The following TTC39C variants were observed in gnomAD, a reference collection of about 807,000 sequenced individuals.
TTC39C encodes the protein tetratricopeptide repeat protein 39C.
Under a neutral mutation model 76.3 loss-of-function variants are expected in TTC39C, and 33 were observed. The ratio of observed to expected loss-of-function variants is 0.43; its 90% CI spans 0.33 to 0.58. The LOEUF (loss-of-function observed/expected upper bound fraction) is 0.58. Among genes scored for constraint, TTC39C ranks in the 20% least tolerant of loss-of-function variants. The pLI, the probability that TTC39C is intolerant of heterozygous loss-of-function variation, is 0.04. For missense variants in TTC39C, 595 were observed against 701.4 expected, an observed-to-expected ratio of 0.85 and a Z score of 1.71; for synonymous variants, 254 against 260.6, an observed-to-expected ratio of 0.97 and a Z score of 0.24.
intron 1 of TTC39C, among the ~76,000 whole-genome samples, chr18:24,043,880 G>C (rs868046503): frequency 1.6e-4 from 24 of 152,338 alleles, no homozygotes; most frequent in Middle Eastern, 3.4e-3. Flanking sequence ...TTTTGCATCT[G>C]CAAAGGGTTT....
chr18:24,020,096 G>T (rs2083501294), intron 1 of TTC39C: 7 of 1,286,094 alleles, frequency 5.4e-6, no homozygotes, highest in Non-Finnish European at 6.9e-6. Flanking sequence ...GTCCACAGAT[G>T]CAGAGATGTA....
rs1473494606 is a variant in TTC39C, at chr18:24,134,685, T to G, written c.*2111T>G. Reference sequence around the variant, plus strand: ...ATGCAGCATAGGTGACAAGCTTTTCTGTCATCATCATGGAGCATTCTGAAT... The same window carrying G: ...ATGCAGCATAGGTGACAAGCTTTTCGGTCATCATCATGGAGCATTCTGAAT... On this transcript the variant is annotated 3_prime_UTR_variant, in exon 14 of 14. Coordinates refer to ENST00000317571, the MANE Select transcript of TTC39C (RefSeq NM_001135993.2). 6.6e-6 allele frequency: 1 copy of G among 152,222 alleles called. No individual in the cohort carries two copies. The allele number at this position is 152,222 out of a possible 1,614,324, so 9.4% of individuals were successfully genotyped here.
At chr18:24,050,563 CAA>C (rs67885761) in intron 1 of TTC39C, among the ~76,000 whole-genome samples, 144 of 77,088 alleles carry the variant, frequency 1.9e-3, no homozygotes, top group African/African-American at 6.5e-3. Context: ...GACCCTGTCT[CAA>C]AAAAAAAAAA....
At chr18:24,009,782 A>C (rs1180424461), upstream of TTC39C, among the ~76,000 whole-genome samples, 2 of 152,362 alleles carry the variant, frequency 1.3e-5, no homozygotes, top group East Asian at 3.9e-4. Flanking sequence ...AATGATCTCT[A>C]GTAAACACCT....
intron 4 of TTC39C, chr18:24,076,851 T>A (rs2084313408): frequency 6.6e-6 from 1 of 152,194 alleles, no homozygotes; most frequent in Non-Finnish European, 1.5e-5. Flanking sequence ...TAAAGACGGA[T>A]TGAATTCATT....
At chr18:24,115,200 T>C (rs1476217622) in intron 7 of TTC39C, among the ~76,000 whole-genome samples, 1 of 152,230 alleles carries the variant, frequency 6.6e-6, no homozygotes, top group African/African-American at 2.4e-5. Flanking sequence ...CACCTTCTGC[T>C]TCTCCCTTAC....
chr18:24,128,109 TTTG>T (rs2085073483), intron 10 of TTC39C, among the ~76,000 whole-genome samples: 1 of 152,196 alleles, frequency 6.6e-6, no homozygotes, highest in Non-Finnish European at 1.5e-5. Flanking sequence ...TTTTGTTTGT[TTTG>T]TTGTTGTATT....
At chr18:24,120,353 A>AT (rs2084950169) in intron 8 of TTC39C, among the ~76,000 whole-genome samples, 1 of 152,128 alleles carries the variant, frequency 6.6e-6, no homozygotes, top group Non-Finnish European at 1.5e-5. Context: ...TGTCTCAAAA[A>AT]CAAAAGAGTA....
chr18:24,018,209 TGC>T (rs1183024088), intron 1 of TTC39C, among the ~76,000 whole-genome samples: 9 of 152,206 alleles, frequency 5.9e-5, no homozygotes, highest in Admixed American at 5.2e-4. Flanking sequence ...GCCACCATTA[TGC>T]ACTTTGAGGT....
intron 6 of TTC39C, among the ~76,000 whole-genome samples, chr18:24,085,725 A>G (rs1342709650): frequency 6.6e-6 from 1 of 152,210 alleles, no homozygotes; most frequent in African/African-American, 2.4e-5. Context: ...TTCACAGTTA[A>G]GCGGCACTTA....
chr18:24,071,009 A>G (rs536042138), intron 4 of TTC39C, among the ~76,000 whole-genome samples: 2 of 151,476 alleles, frequency 1.3e-5, no homozygotes, highest in African/African-American at 4.8e-5. Context: ...GTTCACTGCA[A>G]CCTCTGCCTC....
Position 24,114,409 on chromosome 18 carries a change from T to A in TTC39C, c.985-145T>A, listed in dbSNP as rs1360846989. The A allele has an allele frequency of 4.9e-6, 3 of 607,126 alleles. No individual in the cohort carries two copies. The African/African-American group carries it at 5.6e-5, about 11-fold the overall frequency. 37.6% of individuals were successfully genotyped at this position (607,126 alleles called of 1,614,324 possible). A position where few individuals can be genotyped will look rare whatever the true frequency, so the allele number is the denominator to read the frequency against. The stretch of plus-strand genomic sequence containing the variant: ...CTGTTTGGGGGCAAATTGGAGTATT[T>A]TCCTAGCAATCTTTAAACCACTGTC... On this transcript the variant is annotated intron_variant, in intron 6 of 13. Transcript: ENST00000317571.
chr18:24,081,741 C>T (rs1167288811), intron 5 of TTC39C, among the ~76,000 whole-genome samples: 1 of 152,030 alleles, frequency 6.6e-6, no homozygotes, highest in East Asian at 1.9e-4. Flanking sequence ...ATTTAAAATA[C>T]CATTAATTTT....
At chr18:24,116,045 G>A (rs1330842357) in intron 7 of TTC39C, among the ~76,000 whole-genome samples, 1 of 152,160 alleles carries the variant, frequency 6.6e-6, no homozygotes, top group African/African-American at 2.4e-5. Flanking sequence ...AGTAACTCGG[G>A]CTTCCGATTC....
intron 1 of TTC39C, among the ~76,000 whole-genome samples, chr18:24,057,315 CTGAT>C (rs2084028250): frequency 6.6e-6 from 1 of 152,132 alleles, no homozygotes; most frequent in African/African-American, 2.4e-5. Context: ...GATCATTTAT[CTGAT>C]TGTTTTTCTT....
At chr18:24,046,443 G>A (rs796220680) in intron 1 of TTC39C, among the ~76,000 whole-genome samples, 3 of 151,974 alleles carry the variant, frequency 2.0e-5, no homozygotes, top group African/African-American at 7.3e-5. Context: ...CAAGTTGAGA[G>A]TTTGTCTATC....
At chr18:24,121,932 T>G (rs1417927311) in intron 8 of TTC39C, among the ~76,000 whole-genome samples, 1 of 152,180 alleles carries the variant, frequency 6.6e-6, no homozygotes, top group East Asian at 1.9e-4. Flanking sequence ...GATAAGGTCA[T>G]TTTGGATTGG....
At chr18:24,064,600 T>C (rs961595105) in intron 2 of TTC39C, among the ~76,000 whole-genome samples, 5 of 152,192 alleles carry the variant, frequency 3.3e-5, no homozygotes, top group East Asian at 3.8e-4. Context: ...TTTCCAAATA[T>C]GAGTATTTGG....
At chr18:24,028,170 C>T (rs571344469) in intron 1 of TTC39C, among the ~76,000 whole-genome samples, 2 of 152,150 alleles carry the variant, frequency 1.3e-5, no homozygotes, top group African/African-American at 2.4e-5. Flanking sequence ...GGGAAAGGGC[C>T]GTGGTATAGG....
Sources: gnomAD v4.1 joint callset for allele counts (sites outside exome capture counted in the v4.1 genomes callset) on GRCh38, gnomAD v4.1.1 for gene constraint, MANE v1.5 for transcripts, NCBI Gene and HGNC (gene_info 2026-07-23, HGNC 2026-07-21) for gene names.